Variants in TMEM245 observed in about 807,000 individuals in gnomAD.
TMEM245 encodes the protein protein CG-2.
Under a neutral mutation model 101.2 loss-of-function variants are expected in TMEM245, and 69 were observed. That is an observed-to-expected ratio of 0.68 (90% CI 0.56 to 0.83). The LOEUF (loss-of-function observed/expected upper bound fraction) is 0.83. TMEM245 is among the 40% of genes least tolerant of loss of function. TMEM245 has a pLI of 0.00. For synonymous variants in TMEM245, 537 were observed against 449.8 expected (o/e 1.19, Z -2.45); for missense variants, 1,075 against 1,092.8 (o/e 0.98, Z 0.23).
chr9:109,073,695 C>T (rs1288295326), intron 8 of TMEM245, among the ~76,000 whole-genome samples: 2 of 152,134 alleles, frequency 1.3e-5, no homozygotes, highest in East Asian at 3.8e-4. Context: ...TAGATATGTT[C>T]AAATACTTGA....
intron 5 of TMEM245, 67 bp downstream of exon 5, chr9:109,090,855 A>C (rs1310379245): frequency 2.1e-6 from 3 of 1,462,122 alleles, no homozygotes; most frequent in Non-Finnish European, 2.8e-6. Context: ...ATTAAAATCC[A>C]AAAGTAAAAA....
intron 16 of TMEM245, 66 bp downstream of exon 16, chr9:109,036,140 C>T: frequency 7.4e-7 from 1 of 1,350,166 alleles, no homozygotes; most frequent in Non-Finnish European, 9.8e-7. Flanking sequence ...AAAAATCCTC[C>T]TTTAAAAAAA....
chr9:109,085,663 C>T (rs1469351276), intron 7 of TMEM245, among the ~76,000 whole-genome samples: 1 of 152,198 alleles, frequency 6.6e-6, no homozygotes, highest in Admixed American at 6.5e-5. Flanking sequence ...ATAACTATTG[C>T]CTAATGTGTT....
At chr9:109,040,372 C>T (rs971445646) in intron 14 of TMEM245, among the ~76,000 whole-genome samples, 1 of 152,170 alleles carries the variant, frequency 6.6e-6, no homozygotes, top group African/African-American at 2.4e-5. Flanking sequence ...TAATAAAACT[C>T]ACCAATTTGA....
intron 1 of TMEM245, among the ~76,000 whole-genome samples, chr9:109,112,083 A>G (rs904000771): frequency 1.3e-5 from 2 of 152,232 alleles, no homozygotes; most frequent in Non-Finnish European, 2.9e-5. Flanking sequence ...AAAACACTTT[A>G]GAGTTTATAT....
At chr9:109,068,412 G>A (rs562753571) in intron 9 of TMEM245, among the ~76,000 whole-genome samples, 4 of 150,552 alleles carry the variant, frequency 2.7e-5, no homozygotes, top group African/African-American at 9.8e-5. Flanking sequence ...AGGCCAAAGC[G>A]GGTGGATCAC....
intron 4 of TMEM245, among the ~76,000 whole-genome samples, chr9:109,091,667 G>A (rs1328082189): frequency 5.9e-5 from 9 of 152,042 alleles, no homozygotes; most frequent in Admixed American, 5.9e-4. Flanking sequence ...AAACATGAAT[G>A]AGATACAAAA....
chr9:109,116,553 A>G (rs1187581096), intron 1 of TMEM245, among the ~76,000 whole-genome samples: 6 of 147,394 alleles, frequency 4.1e-5, no homozygotes, highest in African/African-American at 1.5e-4. Flanking sequence ...TTTTTTTGAG[A>G]CAGGGTATTG....
intron 16 of TMEM245, among the ~76,000 whole-genome samples, chr9:109,034,932 G>A (rs550101633): frequency 3.3e-5 from 5 of 152,040 alleles, no homozygotes; most frequent in Admixed American, 2.0e-4. Context: ...CAAGGCAGGC[G>A]GATCACTTGA....
chr9:109,074,279 A>T (rs1428007159), intron 8 of TMEM245, among the ~76,000 whole-genome samples: 1 of 152,048 alleles, frequency 6.6e-6, no homozygotes, highest in Non-Finnish European at 1.5e-5. Flanking sequence ...TTGAAAAAAA[A>T]TTTTTTCACC....
At position 109,119,836 on chromosome 9, in the gene TMEM245, C is replaced by G; in HGVS notation, c.78G>C (p.Ala26=). The G allele has an allele frequency of 7.4e-7, 1 of 1,350,648 alleles. No individual in the cohort carries two copies. The highest frequency in any genetic ancestry group is 1.5e-5 in the African/African-American group (1 of 65,222). 83.7% of individuals were successfully genotyped at this position (1,350,648 alleles called of 1,614,324 possible). A position where few individuals can be genotyped will look rare whatever the true frequency, so the allele number is the denominator to read the frequency against. The part of the protein sequence containing the change: ...SPGPAPRVPR[A]VGPSGGGGET... ...CCCCGCCACCGCCACTCGGCCCGAC[C>G]GCGCGCGGGACCCGCGGCGCCGGCC... The change falls in exon 1 of 18, where the codon GCG becomes GCC. Residue 26 remains alanine, a synonymous_variant. Coordinates refer to ENST00000374586, the MANE Select transcript of TMEM245 (RefSeq NM_032012.4).
intron 7 of TMEM245, 104 bp downstream of exon 7, chr9:109,085,888 GAAAAC>G: frequency 8.0e-7 from 1 of 1,254,700 alleles, no homozygotes; most frequent in Non-Finnish European, 1.2e-6. Context: ...TTAAAACTTT[GAAAAC>G]AAAAACTTAG....
At chr9:109,074,823 A>G (rs1006627614) in intron 8 of TMEM245, among the ~76,000 whole-genome samples, 1 of 152,210 alleles carries the variant, frequency 6.6e-6, no homozygotes, top group Non-Finnish European at 1.5e-5. Flanking sequence ...CGGGCCCCAG[A>G]AAAGTAGGAA....
chr9:109,044,556 T>C (rs1257572202), intron 14 of TMEM245, among the ~76,000 whole-genome samples: 1 of 152,072 alleles, frequency 6.6e-6, no homozygotes, highest in African/African-American at 2.4e-5. Flanking sequence ...ATGGTATGTC[T>C]CAAGTAGAAA....
chr9:109,036,731 C>T (rs1005041465), intron 15 of TMEM245, among the ~76,000 whole-genome samples: 1 of 152,106 alleles, frequency 6.6e-6, no homozygotes, highest in African/African-American at 2.4e-5. Context: ...TGTACTGAGT[C>T]CAAAGCCCAA....
chr9:109,021,418 G>C (rs889573101), intron 17 of TMEM245, among the ~76,000 whole-genome samples: 1 of 152,204 alleles, frequency 6.6e-6, no homozygotes, highest in African/African-American at 2.4e-5. Flanking sequence ...CATTCTTTTA[G>C]ATAGAAGTTA....
intron 9 of TMEM245, among the ~76,000 whole-genome samples, chr9:109,066,273 G>A (rs1829160819): frequency 6.6e-6 from 1 of 151,836 alleles, no homozygotes; most frequent in Admixed American, 6.6e-5. Flanking sequence ...GGCCAACAAG[G>A]CAAAACCCCG....
rs745561645 is a variant in TMEM245 at position 109,119,561 on chromosome 9, G to A, written c.353C>T (p.Pro118Leu). The change falls in exon 1 of 18, where the codon CCC (proline) becomes CTC (leucine). Residue 118 changes from proline to leucine, a missense_variant. Pro to Leu is a moderately conservative substitution (Grantham distance 98). This residue lies in a region of TMEM245 where 808 missense variants were observed against 741.5 expected (regional missense o/e 1.09). Transcript: ENST00000374586. ...CAGGAGCAGCGCGGCCAGGACGATG[G>A]GCGTGTGCGCGCGGTGCAGGCGCTG... The part of the protein sequence containing the change: ...WLQRLHRAHT[P>L]IVLAALLLPL... 1 of 1,538,764 alleles carries A rather than the reference G, an allele frequency of 6.5e-7. No homozygotes were observed. Among genetic ancestry groups the A allele is most frequent in the Admixed American group, 2.0e-5 (1 of 50,294 alleles).
At chr9:109,074,524 G>C (rs146545186) in intron 8 of TMEM245, among the ~76,000 whole-genome samples, 2 of 152,174 alleles carry the variant, frequency 1.3e-5, no homozygotes, top group Non-Finnish European at 2.9e-5. Flanking sequence ...GAAAGAAAGT[G>C]TAATGAGGGA....
Sources: gnomAD v4.1 joint callset for allele counts (sites outside exome capture counted in the v4.1 genomes callset) on GRCh38, gnomAD v4.1.1 for gene constraint, gnomAD v4.1.1 regional missense constraint, MANE v1.5 for transcripts, NCBI Gene and HGNC (gene_info 2026-07-23, HGNC 2026-07-21) for gene names.